The following RFX4 variants were observed in gnomAD, a reference collection of about 807,000 sequenced individuals.
RFX4 encodes the protein regulatory factor X4, also known as transcription factor RFX4.
RFX4 carries 10 observed loss-of-function variants against 95.0 expected under a neutral mutation model. The observed-to-expected ratio is 0.11, with a 90% CI of 0.06 to 0.18. The LOEUF is 0.18. Ranked by LOEUF, RFX4 falls within the 10% of genes least tolerant of loss-of-function variation. The pLI is 1.00. For synonymous variants in RFX4, 321 were observed against 340.7 expected, an observed-to-expected ratio of 0.94 and a Z score of 0.64; for missense variants, 640 against 922.0, an observed-to-expected ratio of 0.69 and a Z score of 3.96.
rs1443795120 is a variant in RFX4 at position 106,687,182 on chromosome 12, T to TCTCACACA, written c.591+86_591+87insTCACACAC. On this transcript the variant is annotated intron_variant, in intron 6 of 17. Transcript: ENST00000392842. ...CTCTGTCTCTATCTCTCTCTCTCTC[T>TCTCACACA]CACACACACACACACACACACACAC... is the stretch of plus-strand genomic sequence containing the variant. 1.9e-3 allele frequency: 1,036 copies of TCTCACACA among 546,914 alleles called. 3 individuals carry two copies. The highest frequency in any genetic ancestry group is 6.5e-3 in the Middle Eastern group (13 of 2,008). 33.9% of individuals were successfully genotyped at this position (546,914 alleles called of 1,614,324 possible). A position where few individuals can be genotyped will look rare whatever the true frequency, so the allele number is the denominator to read the frequency against.
At chr12:106,674,175 C>T (rs1315883487) in intron 4 of RFX4, among the ~76,000 whole-genome samples, 1 of 152,200 alleles carries the variant, frequency 6.6e-6, no homozygotes, top group East Asian at 1.9e-4. Context: ...AAGCTCCCAC[C>T]CAGGTCCTTC....
Position 106,654,288 on chromosome 12 carries a change from G to T in RFX4, c.252G>T (p.Met84Ile), listed in dbSNP as rs772988031. 3.6e-5 allele frequency: 58 copies of T among 1,613,922 alleles called. No individual in the cohort carries two copies. The highest frequency in any genetic ancestry group is 4.9e-5 in the Non-Finnish European group (58 of 1,179,964). The change falls in exon 4 of 18, where the codon ATG becomes ATT. Residue 84 changes from methionine (M) to isoleucine (I), a missense_variant. Met to Ile is a conservative substitution (Grantham distance 10). Transcript: ENST00000392842. ...GVCIPRSALY[M>I]HYLDFCEKND... The stretch of plus-strand genomic sequence containing the variant: ...GCATCCCTCGCAGTGCCCTCTATAT[G>T]CATTACCTGGATTTCTGCGAGAAGA...
At chr12:106,589,928 G>A (rs888654270) in intron 1 of RFX4, among the ~76,000 whole-genome samples, 6 of 152,240 alleles carry the variant, frequency 3.9e-5, no homozygotes, top group African/African-American at 1.4e-4. Flanking sequence ...TCATTCATGT[G>A]TTCATTCATT....
At position 106,732,226 on chromosome 12, in the gene RFX4, CCAT is replaced by C; in HGVS notation, c.1449_1451del (p.Met484del). ...GAGCGGGCCAATGAGCTCATGCGAG[CCAT>C]GAAGGGAGAAGGAAGCACTGGTAAG... is the stretch of plus-strand genomic sequence containing the variant. On this transcript the variant is annotated inframe_deletion, in exon 14 of 18. Transcript: ENST00000392842. 2 of 1,613,810 alleles carry C rather than the reference CCAT, an allele frequency of 1.2e-6. No individual in the cohort carries two copies. Among genetic ancestry groups the C allele is most frequent in the Non-Finnish European group, 1.7e-6 (2 of 1,179,842 alleles).
chr12:106,631,240 T>C (rs1256547215), intron 2 of RFX4, among the ~76,000 whole-genome samples: 1 of 152,260 alleles, frequency 6.6e-6, no homozygotes, highest in Non-Finnish European at 1.5e-5. Flanking sequence ...CTGTTTTGTA[T>C]GCTTACTGAA....
chr12:106,709,493 A>G (rs562705884), intron 9 of RFX4, 63 bp downstream of exon 9: 15 of 1,305,796 alleles, frequency 1.1e-5, no homozygotes, highest in African/African-American at 3.0e-5. Context: ...AATATTTTAC[A>G]TAAGTTGTTA....
At chr12:106,612,201 GT>G (rs1381227679) in intron 2 of RFX4, among the ~76,000 whole-genome samples, 2 of 152,184 alleles carry the variant, frequency 1.3e-5, no homozygotes, top group African/African-American at 4.8e-5. Flanking sequence ...GCTTTGGATA[GT>G]TTTAACATCT....
At chr12:106,630,565 C>A (rs181313387) in intron 2 of RFX4, among the ~76,000 whole-genome samples, 59 of 152,272 alleles carry the variant, frequency 3.9e-4, no homozygotes, top group Non-Finnish European at 7.2e-4. Context: ...GGAAACGAGG[C>A]AAATGAGGGG....
chr12:106,731,109 G>A (rs1249562318), intron 13 of RFX4, among the ~76,000 whole-genome samples: 1 of 152,196 alleles, frequency 6.6e-6, no homozygotes, highest in Non-Finnish European at 1.5e-5. Flanking sequence ...TAAAGGGACT[G>A]CAGGATATCT....
At chr12:106,751,720 C>T (rs2043009852) in intron 17 of RFX4, among the ~76,000 whole-genome samples, 1 of 152,048 alleles carries the variant, frequency 6.6e-6, no homozygotes, top group South Asian at 2.1e-4. Context: ...TGTTTTTTGG[C>T]TGCACAAATG....
chr12:106,680,455 T>C (rs770505262), intron 4 of RFX4, among the ~76,000 whole-genome samples: 35 of 152,178 alleles, frequency 2.3e-4, no homozygotes, highest in Non-Finnish European at 3.5e-4. Context: ...AAACAGTATG[T>C]CCCAGTTCAA....
In RFX4 at chr12:106,718,102, G is replaced by T. The variant is rs181419410; in HGVS notation, c.1139-1858G>T. Among the ~76,000 whole-genome samples, 14 of 152,334 alleles carry T rather than the reference G, an allele frequency of 9.2e-5. 1 individual carries two copies. The highest frequency in any genetic ancestry group is 3.4e-4 in the African/African-American group (14 of 41,584). On this transcript the variant is annotated intron_variant, in intron 11 of 17. Coordinates refer to ENST00000392842, the MANE Select transcript of RFX4 (RefSeq NM_213594.3). ...TAATTGTAACTGCCCAAGGTCTGCT[G>T]GGCATCCCAGACCCATGTCCAAGTT...
chr12:106,706,081 C>A (rs1322801680), intron 8 of RFX4, among the ~76,000 whole-genome samples: 1 of 152,170 alleles, frequency 6.6e-6, no homozygotes, highest in Non-Finnish European at 1.5e-5. Flanking sequence ...GAAATAATAT[C>A]TAGTCTGAGA....
intron 6 of RFX4, 99 bp from the exon 7 acceptor site, chr12:106,689,188 C>T (rs746406812): frequency 2.0e-6 from 2 of 998,776 alleles, no homozygotes; most frequent in Admixed American, 3.5e-5. Flanking sequence ...TTGCATCCCC[C>T]CCACAGGGAA....
chr12:106,752,525 C>T (rs533624008), intron 17 of RFX4, among the ~76,000 whole-genome samples: 262 of 152,080 alleles, frequency 1.7e-3, no homozygotes, highest in Non-Finnish European at 2.9e-3. Context: ...TGCCCTTTTT[C>T]GGGCAGCTAC....
chr12:106,652,772 G>A (rs189986257), intron 3 of RFX4, among the ~76,000 whole-genome samples: 41 of 152,266 alleles, frequency 2.7e-4, no homozygotes, highest in African/African-American at 9.4e-4. Flanking sequence ...TAAGTTGAGC[G>A]AGTGCTGCCC....
chr12:106,682,242 A>C, intron 5 of RFX4, 188 bp downstream of exon 5: 1 of 595,706 alleles, frequency 1.7e-6, no homozygotes, highest in South Asian at 2.3e-5. Flanking sequence ...GAGGTTGTCC[A>C]AAAGCCCAAG....
intron 8 of RFX4, among the ~76,000 whole-genome samples, chr12:106,702,010 A>G (rs1335072710): frequency 3.9e-5 from 6 of 152,070 alleles, no homozygotes; most frequent in African/African-American, 1.4e-4. Context: ...TCTAATAATA[A>G]TTATTATCAC....
intron 7 of RFX4, among the ~76,000 whole-genome samples, chr12:106,691,919 G>A (rs1338877397): frequency 6.6e-6 from 1 of 152,164 alleles, no homozygotes; most frequent in Non-Finnish European, 1.5e-5. Flanking sequence ...AGCACTTTGG[G>A]AGGCCGAGGT....
Sources: allele counts gnomAD v4.1 joint callset (sites outside exome capture counted in the v4.1 genomes callset), GRCh38; gene constraint gnomAD v4.1.1; transcripts MANE v1.5; gene names NCBI Gene and HGNC (gene_info 2026-07-23, HGNC 2026-07-21).